Variants in SBF2 observed in about 807,000 individuals in gnomAD.
SBF2 encodes SET binding factor 2.
In SBF2, 112 loss-of-function variants were observed where a neutral mutation model predicts 225.2. That is an observed-to-expected ratio of 0.50 (90% CI 0.43 to 0.58). The LOEUF is 0.58. Among genes scored for constraint, SBF2 ranks in the 20% least tolerant of loss-of-function variants. The pLI is 0.00. For missense variants in SBF2, 1,996 were observed against 2,206.2 expected, an observed-to-expected ratio of 0.90 and a Z score of 1.91; for synonymous variants, 763 against 773.3, an observed-to-expected ratio of 0.99 and a Z score of 0.22.
chr11:10,200,675 C>A (rs895767275), intron 1 of SBF2, among the ~76,000 whole-genome samples: 17 of 151,902 alleles, frequency 1.1e-4, no homozygotes, highest in African/African-American at 3.6e-4. Flanking sequence ...GTATTTATAT[C>A]CATTTTTTAT....
At chr11:10,028,242 T>C (rs1402380937) in intron 6 of SBF2, among the ~76,000 whole-genome samples, 2 of 151,738 alleles carry the variant, frequency 1.3e-5, no homozygotes, top group African/African-American at 4.8e-5. Context: ...CTAACTGACC[T>C]AAGGAAAAAA....
rs1365830709 is a variant in SBF2 at position 10,196,855 on chromosome 11, TATATATATATA to T, written c.56-2879_56-2869del. ...TTGCATAAATATATATATATATATA[TATATATATATA>T]TTTTTTTTTTCCTACAAAATGAATA... is the stretch of plus-strand genomic sequence containing the variant. On this transcript the variant is annotated intron_variant, in intron 1 of 39. Transcript: ENST00000256190. Among the ~76,000 whole-genome samples the T allele has an allele frequency of 1.5e-4, 5 of 33,950 alleles. No homozygotes were observed. The East Asian group carries it at 2.0e-3, about 14-fold the overall frequency. The allele number at this position is 33,950 out of a possible 152,430, so 22.3% of individuals were successfully genotyped here. A position where few individuals can be genotyped will look rare whatever the true frequency, so the allele number is the denominator to read the frequency against.
intron 2 of SBF2, among the ~76,000 whole-genome samples, chr11:10,147,360 C>T (rs1291389334): frequency 6.6e-6 from 1 of 152,094 alleles, no homozygotes; most frequent in East Asian, 1.9e-4. Flanking sequence ...AAATGTGGTA[C>T]AAATACACCA....
chr11:10,250,295 G>A (rs1960220840), intron 1 of SBF2, among the ~76,000 whole-genome samples: 2 of 152,166 alleles, frequency 1.3e-5, no homozygotes, highest in African/African-American at 2.4e-5. Flanking sequence ...AGTTATCTGC[G>A]CTATGCACCT....
rs1035217217 is a variant in SBF2 at position 10,125,056 on chromosome 11, C to T, written c.141+68846G>A. ...CCGGGAGGCGGAGGTTGCAGTGAGC[C>T]GAGATCTCGCTACTGCACTCCAGCC... On this transcript the variant is annotated intron_variant, in intron 2 of 39. Coordinates refer to ENST00000256190, the MANE Select transcript of SBF2 (RefSeq NM_030962.4). Among the ~76,000 whole-genome samples the T allele has an allele frequency of 4.1e-5, 6 of 144,710 alleles. No individual in the cohort carries two copies. The South Asian group carries it at 1.1e-3, about 26-fold the overall frequency. The allele number at this position is 144,710 out of a possible 152,430, so 94.9% of individuals were successfully genotyped here.
chr11:9,858,484 G>A (rs1857481513), intron 17 of SBF2, 88 bp from the exon 18 acceptor site: 2 of 1,286,664 alleles, frequency 1.6e-6, no homozygotes, highest in Non-Finnish European at 1.1e-6. Flanking sequence ...AATCATAGAT[G>A]AGATCAAAGG....
At chr11:10,190,107 C>T (rs754686602) in intron 2 of SBF2, among the ~76,000 whole-genome samples, 74 of 150,184 alleles carry the variant, frequency 4.9e-4, no homozygotes, top group African/African-American at 1.7e-3. Flanking sequence ...GCCAAGATTG[C>T]GCCACTGCAC....
chr11:10,169,445 T>G (rs779052926), intron 2 of SBF2, among the ~76,000 whole-genome samples: 1 of 152,228 alleles, frequency 6.6e-6, no homozygotes, highest in Non-Finnish European at 1.5e-5. Flanking sequence ...AAAGTTTGTC[T>G]TTCTGTGCCT....
intron 24 of SBF2, among the ~76,000 whole-genome samples, chr11:9,843,576 A>T (rs374909406): frequency 3.9e-5 from 6 of 152,214 alleles, no homozygotes; most frequent in African/African-American, 9.6e-5. Flanking sequence ...GTTCTTGATT[A>T]TATTCTTCTC....
chr11:10,012,854 A>C lies in SBF2; in HGVS notation c.620-10165T>G, dbSNP rs557604628. 1.2e-4 allele frequency among the ~76,000 whole-genome samples: 18 copies of C among 151,326 alleles called. No individual in the cohort carries two copies. The South Asian group carries it at 2.7e-3, about 23-fold the overall frequency. ...ATCTGCTTGTAATGTTAGGCTGCTG[A>C]TGTCTGGTTTAAAATTTTTTATTTT... On this transcript the variant is annotated intron_variant, in intron 6 of 39. Transcript: ENST00000256190.
At chr11:9,885,274 A>C (rs1396751781) in intron 17 of SBF2, among the ~76,000 whole-genome samples, 1 of 150,028 alleles carries the variant, frequency 6.7e-6, no homozygotes, top group African/African-American at 2.4e-5. Context: ...AAAAAAAAAA[A>C]AACCCCACCC....
chr11:9,876,180 A>T (rs1213071975), intron 17 of SBF2, among the ~76,000 whole-genome samples: 1 of 152,102 alleles, frequency 6.6e-6, no homozygotes, highest in Non-Finnish European at 1.5e-5. Flanking sequence ...CTGTGTACTA[A>T]ACATACTCTT....
At chr11:10,102,966 AT>A (rs1952376331) in intron 2 of SBF2, among the ~76,000 whole-genome samples, 1 of 152,184 alleles carries the variant, frequency 6.6e-6, no homozygotes, top group Non-Finnish European at 1.5e-5. Context: ...TTTGAAAAAG[AT>A]TTTTATGTAA....
intron 13 of SBF2, among the ~76,000 whole-genome samples, chr11:9,974,962 A>G (rs1339246342): frequency 2.0e-5 from 2 of 97,602 alleles, no homozygotes; most frequent in Admixed American, 1.2e-4. Context: ...CTTTGACTCA[A>G]AAAAAAAAAA....
intron 2 of SBF2, among the ~76,000 whole-genome samples, chr11:10,067,671 G>GA (rs1950678964): frequency 6.6e-6 from 1 of 152,184 alleles, no homozygotes; most frequent in Admixed American, 6.5e-5. Flanking sequence ...AAGGCAGAAG[G>GA]ATTGCTTGAG....
At chr11:9,873,252 G>A (rs1055224437) in intron 17 of SBF2, among the ~76,000 whole-genome samples, 6 of 146,252 alleles carry the variant, frequency 4.1e-5, no homozygotes, top group Non-Finnish European at 9.0e-5. Context: ...AATGCTCTAT[G>A]TAGTTTGTCA....
rs200454034 is a variant in SBF2, at chr11:10,143,724, G to GT, written c.141+50177dup. On this transcript the variant is annotated intron_variant, in intron 2 of 39. Coordinates refer to ENST00000256190, the MANE Select transcript of SBF2 (RefSeq NM_030962.4). The stretch of plus-strand genomic sequence containing the variant: ...TATTAACAACTGGGTTTTTGCTTTT[G>GT]TTTTTTTTTTTTAGACGAAGTCTCG... 7.8e-3 allele frequency among the ~76,000 whole-genome samples: 1,114 copies of GT among 143,122 alleles called. 5 individuals are homozygous for GT. The highest frequency in any genetic ancestry group is 0.012 in the African/African-American group (486 of 39,330). 93.9% of individuals were successfully genotyped at this position (143,122 alleles called of 152,430 possible).
At chr11:10,302,485 C>G (rs1206727580) in intron 1 of SBF2, among the ~76,000 whole-genome samples, 3 of 152,212 alleles carry the variant, frequency 2.0e-5, no homozygotes, top group Admixed American at 6.5e-5. Context: ...CTCTAAGTGC[C>G]AGAGCGGCAA....
chr11:9,976,359 A>G (rs986368740), intron 13 of SBF2, among the ~76,000 whole-genome samples: 2 of 152,180 alleles, frequency 1.3e-5, no homozygotes, highest in African/African-American at 2.4e-5. Flanking sequence ...GGCGTGAGCC[A>G]CTGCGCCTGG....
Sources: allele counts gnomAD v4.1 joint callset (sites outside exome capture counted in the v4.1 genomes callset), GRCh38; gene constraint gnomAD v4.1.1; transcripts MANE v1.5; gene names NCBI Gene and HGNC (gene_info 2026-07-23, HGNC 2026-07-21).